MCF2: variants seen among roughly 807,000 people sequenced by gnomAD.
MCF2 encodes proto-oncogene DBL.
In MCF2, 44 loss-of-function variants were observed where a neutral mutation model predicts 82.5. The observed-to-expected ratio is 0.53, with a 90% CI of 0.42 to 0.69. MCF2 has a LOEUF of 0.69. Ranked by LOEUF, MCF2 falls within the 30% of genes least tolerant of loss-of-function variation. The pLI, the probability that MCF2 is intolerant of heterozygous loss-of-function variation, is 0.00. For synonymous variants in MCF2, 217 were observed against 224.9 expected, an observed-to-expected ratio of 0.96 and a Z score of 0.32; for missense variants, 623 against 663.1, an observed-to-expected ratio of 0.94 and a Z score of 0.66.
Position 139,609,548 on chromosome X carries a change from C to CA in MCF2, c.1401+752dup, listed in dbSNP as rs1242518397. On this transcript the variant is annotated intron_variant, in intron 11 of 24. Coordinates refer to ENST00000370576, the Ensembl canonical transcript of MCF2. ...TAGGCAACAGAGCGAGACCCTGTCT[C>CA]AAAAAAAAAAAGAGAGAGAGAAAAG... Among the ~76,000 whole-genome samples the CA allele has an allele frequency of 2.9e-3, 280 of 95,612 alleles. 3 individuals carry two copies. The highest frequency in any genetic ancestry group is 5.6e-3 in the Middle Eastern group (1 of 177). The allele number at this position is 95,612 out of a possible 115,157, so 83.0% of individuals were successfully genotyped here. A position where few individuals can be genotyped will look rare whatever the true frequency, so the allele number is the denominator to read the frequency against.
chrX:139,683,213 C>T (rs920792412), intron 1 of MCF2, among the ~76,000 whole-genome samples: 2 of 112,701 alleles, frequency 1.8e-5, no homozygotes, highest in Non-Finnish European at 3.7e-5. Context: ...GAATTACAGG[C>T]GAGAGCCACC....
In MCF2 at chrX:139,641,562, A is replaced by G. The variant is rs182181978; in HGVS notation, c.51+906T>C. Among the ~76,000 whole-genome samples, 438 of 110,980 alleles carry G rather than the reference A, an allele frequency of 3.9e-3. 2 individuals carry two copies. Among genetic ancestry groups the G allele is most frequent in the African/African-American group, 0.014 (423 of 30,596 alleles). On this transcript the variant is annotated intron_variant, in intron 1 of 24. Coordinates refer to ENST00000370576, the Ensembl canonical transcript of MCF2. ...AACTGTCATTTTTTTCCTATGGTCA[A>G]TTTTTACCTTCTTATCTGTGTGTGT...
rs764035893 is a variant in MCF2, at chrX:139,587,702, G to A, written c.2522+14C>T. On this transcript the variant is annotated intron_variant, in intron 22 of 24. Transcript: ENST00000370576. ...GATTGCAGGAGTGGTATTTCTTAAA[G>A]AATAATCACTTACTCATCATTCTGC... The A allele has an allele frequency of 2.7e-6, 3 of 1,110,953 alleles. No homozygotes were observed. Among genetic ancestry groups the A allele is most frequent in the Non-Finnish European group, 3.7e-6 (3 of 808,515 alleles). 91.6% of individuals were successfully genotyped at this position (1,110,953 alleles called of 1,213,427 possible).
At chrX:139,656,113 G>T (rs1934189000) in intron 1 of MCF2, among the ~76,000 whole-genome samples, 1 of 112,223 alleles carries the variant, frequency 8.9e-6, no homozygotes, top group South Asian at 3.7e-4. Flanking sequence ...CCAGGCTGAA[G>T]TGCAGTGGCG....
At chrX:139,629,768 G>T in exon 4 of MCF2, 1 of 1,206,655 alleles carries the variant, frequency 8.3e-7, no homozygotes, top group Non-Finnish European at 1.1e-6. Context: ...TGGTAGTTCT[G>T]TCTCAGCCAG....
chrX:139,606,975 T>C (rs1931075174), intron 12 of MCF2, among the ~76,000 whole-genome samples: 1 of 111,398 alleles, frequency 9.0e-6, no homozygotes, highest in Non-Finnish European at 1.9e-5. Flanking sequence ...AAAAGATGAA[T>C]ATTCTTATGT....
intron 15 of MCF2, 56 bp downstream of exon 19, chrX:139,604,625 G>T: frequency 1.3e-6 from 1 of 758,708 alleles, no homozygotes; most frequent in Non-Finnish European, 1.9e-6. Flanking sequence ...TCTTATAAGT[G>T]AGTTGCTATT....
intron 1 of MCF2, among the ~76,000 whole-genome samples, chrX:139,671,569 G>A (rs1280056886): frequency 1.8e-5 from 2 of 111,264 alleles, no homozygotes; most frequent in African/African-American, 6.6e-5. Flanking sequence ...ATTAAATAGG[G>A]AATCCTTTCC....
At chrX:139,689,578 C>T (rs1029408981) in intron 1 of MCF2, among the ~76,000 whole-genome samples, 1 of 109,601 alleles carries the variant, frequency 9.1e-6, no homozygotes, top group East Asian at 2.9e-4. Context: ...ATATTTTACA[C>T]TCCAGTCATT....
intron 1 of MCF2, among the ~76,000 whole-genome samples, chrX:139,655,365 T>A (rs1281753467): frequency 8.9e-6 from 1 of 111,822 alleles, no homozygotes; most frequent in East Asian, 2.8e-4. Context: ...TTCCTAGGTA[T>A]TTTATATTTT....
intron 10 of MCF2, among the ~76,000 whole-genome samples, chrX:139,611,668 C>T (rs1931504960): frequency 8.9e-6 from 1 of 111,833 alleles, no homozygotes; most frequent in Non-Finnish European, 1.9e-5. Context: ...CAAAGATGAA[C>T]TGCACACAGT....
chrX:139,596,857 A>G (rs987106516), intron 18 of MCF2, 87 bp from the exon 23 acceptor site: 4 of 600,495 alleles, frequency 6.7e-6, no homozygotes, highest in Non-Finnish European at 1.1e-5. Flanking sequence ...AGCTTAAGCT[A>G]CTCAAACCCT....
chrX:139,621,831 T>G (rs1442607398), intron 6 of MCF2, among the ~76,000 whole-genome samples: 1 of 111,522 alleles, frequency 9.0e-6, no homozygotes, highest in Admixed American at 9.5e-5. Flanking sequence ...AAGGACTTCA[T>G]GTCTAAAACA....
intron 1 of MCF2, among the ~76,000 whole-genome samples, chrX:139,653,752 G>C (rs1470521652): frequency 9.0e-6 from 1 of 111,187 alleles, no homozygotes; most frequent in Non-Finnish European, 1.9e-5. Context: ...GTACAGTTCA[G>C]TGGTAATAAA....
chrX:139,678,900 C>T lies in MCF2; in HGVS notation c.-44-27112G>A, dbSNP rs185685156. On this transcript the variant is annotated intron_variant, in intron 1 of 27. Coordinates refer to the MCF2 transcript ENST00000414978. ...GGATTTTGCTCTTATCACAGGTTTA[C>T]TTTTCATTTTTCACAAAACATCCAT... 8.0e-3 allele frequency among the ~76,000 whole-genome samples: 895 copies of T among 112,563 alleles called. 6 individuals are homozygous for T. The highest frequency in any genetic ancestry group is 0.027 in the African/African-American group (849 of 31,026).
At chrX:139,651,783 C>G in exon 2 of MCF2, 1 of 1,139,866 alleles carries the variant, frequency 8.8e-7, no homozygotes, top group Non-Finnish European at 1.2e-6. Flanking sequence ...AGGAGCAGAT[C>G]GGTTTCTATG....
At chrX:139,661,597 C>T (rs1170812083) in intron 1 of MCF2, among the ~76,000 whole-genome samples, 1 of 111,363 alleles carries the variant, frequency 9.0e-6, no homozygotes, top group African/African-American at 3.3e-5. Context: ...TATAAAACTC[C>T]AAACAAAACT....
At chrX:139,703,231 T>G (rs1160237110) in intron 1 of MCF2, among the ~76,000 whole-genome samples, 1 of 111,718 alleles carries the variant, frequency 9.0e-6, no homozygotes, top group Non-Finnish European at 1.9e-5. Flanking sequence ...TAGATGATAG[T>G]GATCAGGAGA....
intron 1 of MCF2, among the ~76,000 whole-genome samples, chrX:139,690,338 G>GTTTTTTTTTTT (rs145515088): frequency 2.6e-5 from 2 of 75,753 alleles, no homozygotes; most frequent in African/African-American, 9.9e-5. Context: ...CTCCAAAGGA[G>GTTTTTTTTTTT]TTTTTTTTTT....
Sources: gnomAD v4.1 joint callset for allele counts (sites outside exome capture counted in the v4.1 genomes callset) on GRCh38, gnomAD v4.1.1 for gene constraint, MANE v1.5 for transcripts, NCBI Gene and HGNC (gene_info 2026-07-23, HGNC 2026-07-21) for gene names.